Variants in UBE2G1 observed in about 807,000 individuals in gnomAD.
The protein encoded by UBE2G1 is ubiquitin-conjugating enzyme E2 G1.
In UBE2G1, 5 loss-of-function variants were observed where a neutral mutation model predicts 22.7. That is an observed-to-expected ratio of 0.22 (90% CI 0.12 to 0.46). UBE2G1 has a LOEUF of 0.46. Ranked by LOEUF, UBE2G1 falls within the 20% of genes least tolerant of loss-of-function variation. The pLI is 0.99. For missense variants in UBE2G1, 88 were observed against 203.9 expected (o/e 0.43, Z 3.46); for synonymous variants, 74 against 67.5 (o/e 1.10, Z -0.47).
chr17:4,292,107 G>A (rs532077013), intron 3 of UBE2G1, among the ~76,000 whole-genome samples: 1 of 151,862 alleles, frequency 6.6e-6, no homozygotes, highest in African/African-American at 2.4e-5. Flanking sequence ...AGGCTGAGGC[G>A]GGCGGATCAC....
intron 1 of UBE2G1, among the ~76,000 whole-genome samples, chr17:4,322,512 TG>T (rs1969452821): frequency 6.6e-6 from 1 of 152,250 alleles, no homozygotes; most frequent in Non-Finnish European, 1.5e-5. Flanking sequence ...AGAGCCCTGC[TG>T]CATGATCAGA....
chr17:4,296,680 A>G, intron 3 of UBE2G1, 37 bp downstream of exon 3: 1 of 1,585,090 alleles, frequency 6.3e-7, no homozygotes, highest in Non-Finnish European at 8.7e-7. Context: ...CAGGCCATCA[A>G]ATCTGCAAAT....
At chr17:4,299,368 C>CA (rs1969147294) in intron 2 of UBE2G1, among the ~76,000 whole-genome samples, 1 of 151,992 alleles carries the variant, frequency 6.6e-6, no homozygotes, top group South Asian at 2.1e-4. Context: ...CACTGCACTC[C>CA]AGCGTGGGTG....
chr17:4,302,476 A>T, intron 2 of UBE2G1: 3 of 485,974 alleles, frequency 6.2e-6, no homozygotes, highest in East Asian at 1.1e-4. Flanking sequence ...ATATGGCTTC[A>T]CGCACTCCAT....
Position 4,313,272 on chromosome 17 carries a change from T to G in UBE2G1, c.47-6149A>C, listed in dbSNP as rs935994599. ...AATGCTACACAAAATACTTTAAGGT[T>G]AGTACAGCAATAAAGTCTAAATACA... On this transcript the variant is annotated intron_variant, in intron 1 of 5. Transcript: ENST00000396981. Among the ~76,000 whole-genome samples the G allele has an allele frequency of 1.1e-4, 17 of 152,194 alleles. 1 individual carries two copies.
intron 1 of UBE2G1, among the ~76,000 whole-genome samples, chr17:4,355,282 C>A (rs1358012253): frequency 1.3e-5 from 2 of 150,860 alleles, no homozygotes; most frequent in Non-Finnish European, 3.0e-5. Flanking sequence ...GGATTACAGG[C>A]GTGAGTCACT....
At chr17:4,332,533 G>T (rs1229193886) in intron 1 of UBE2G1, among the ~76,000 whole-genome samples, 1 of 152,168 alleles carries the variant, frequency 6.6e-6, no homozygotes, top group Non-Finnish European at 1.5e-5. Context: ...CTCACTCAGA[G>T]CAATGGCCTG....
In UBE2G1 at chr17:4,330,439, T is replaced by A. The variant is rs571544286; in HGVS notation, c.47-23316A>T. On this transcript the variant is annotated intron_variant, in intron 1 of 5. Transcript: ENST00000396981. ...GAAAGCCTACTTAGCTGGATGATTT[T>A]AAAAAAATAAAATTTCAGCCAGTCG... Among the ~76,000 whole-genome samples, 1,368 of 152,194 alleles carry A rather than the reference T, an allele frequency of 9.0e-3. 17 individuals are homozygous for A. The highest frequency in any genetic ancestry group is 0.014 in the Middle Eastern group (4 of 294).
chr17:4,288,029 AG>A (rs1463384868), intron 4 of UBE2G1, among the ~76,000 whole-genome samples: 1 of 152,224 alleles, frequency 6.6e-6, no homozygotes, highest in Non-Finnish European at 1.5e-5. Context: ...CCTTGTTCTT[AG>A]GGAACAGATC....
intron 2 of UBE2G1, among the ~76,000 whole-genome samples, chr17:4,305,911 A>G (rs1969244297): frequency 1.3e-5 from 2 of 152,248 alleles, no homozygotes. Flanking sequence ...CAGAGCAGAA[A>G]AGAAGACTGT....
At chr17:4,288,119 C>G (rs1161226860) in intron 4 of UBE2G1, among the ~76,000 whole-genome samples, 1 of 152,194 alleles carries the variant, frequency 6.6e-6, no homozygotes, top group African/African-American at 2.4e-5. Context: ...TGCAAAATTT[C>G]TACAACTGGT....
At chr17:4,325,741 C>T (rs1430918605) in intron 1 of UBE2G1, among the ~76,000 whole-genome samples, 1 of 152,146 alleles carries the variant, frequency 6.6e-6, no homozygotes, top group Non-Finnish European at 1.5e-5. Context: ...ATAATCAAAA[C>T]ACTGTGGTAT....
intron 3 of UBE2G1, among the ~76,000 whole-genome samples, chr17:4,292,809 C>T (rs559920996): frequency 7.9e-5 from 12 of 152,322 alleles, no homozygotes; most frequent in Middle Eastern, 3.4e-3. Flanking sequence ...ATCATGTTAT[C>T]TATCATCCTG....
chr17:4,337,330 A>G (rs1440542459), intron 1 of UBE2G1, among the ~76,000 whole-genome samples: 3 of 143,636 alleles, frequency 2.1e-5, no homozygotes, highest in East Asian at 3.9e-4. Context: ...AAAAAAAAAA[A>G]AAAGAAAAGA....
At chr17:4,324,605 TA>T (rs946843909) in intron 1 of UBE2G1, among the ~76,000 whole-genome samples, 7 of 152,096 alleles carry the variant, frequency 4.6e-5, no homozygotes, top group African/African-American at 1.7e-4. Context: ...TAAAGTGAGA[TA>T]GGGGTCTCAC....
chr17:4,284,924 G>C (rs900040882), intron 4 of UBE2G1, among the ~76,000 whole-genome samples: 2 of 143,852 alleles, frequency 1.4e-5, no homozygotes, highest in African/African-American at 5.2e-5. Context: ...CTCACTGCAG[G>C]CTTGAACACC....
At chr17:4,365,532 G>A (rs962351633) in intron 1 of UBE2G1, among the ~76,000 whole-genome samples, 1 of 152,140 alleles carries the variant, frequency 6.6e-6, no homozygotes, top group Admixed American at 6.5e-5. Context: ...GGGTTTGCAG[G>A]CCTGCGCAGC....
At chr17:4,311,146 G>C (rs1178047126) in intron 1 of UBE2G1, among the ~76,000 whole-genome samples, 3 of 152,128 alleles carry the variant, frequency 2.0e-5, no homozygotes, top group African/African-American at 7.2e-5. Flanking sequence ...AAGATGACTT[G>C]AGCCCAGGAG....
Position 4,317,202 on chromosome 17 carries a change from T to C in UBE2G1, c.47-10079A>G, listed in dbSNP as rs899294105. 5.3e-5 allele frequency among the ~76,000 whole-genome samples: 8 copies of C among 151,670 alleles called. No individual in the cohort carries two copies. The East Asian group carries it at 5.8e-4, about 11-fold the overall frequency. On this transcript the variant is annotated intron_variant, in intron 1 of 5. Coordinates refer to ENST00000396981, the MANE Select transcript of UBE2G1 (RefSeq NM_003342.5). ...CCATCTCCACTAAAAATACAAAAAT[T>C]AGCCAGGCGTGGTAGCGGGTGCCTC... is the stretch of plus-strand genomic sequence containing the variant.
Sources: gnomAD v4.1 joint callset for allele counts (sites outside exome capture counted in the v4.1 genomes callset) on GRCh38, gnomAD v4.1.1 for gene constraint, MANE v1.5 for transcripts, NCBI Gene and HGNC (gene_info 2026-07-23, HGNC 2026-07-21) for gene names.